Variants in PDE3B observed in about 807,000 individuals in gnomAD.
PDE3B encodes cGMP-inhibited 3',5'-cyclic phosphodiesterase 3B.
A neutral mutation model predicts 116.8 loss-of-function variants in PDE3B; 66 were observed. That is an observed-to-expected ratio of 0.56 (90% CI 0.46 to 0.69). The LOEUF (loss-of-function observed/expected upper bound fraction) is 0.69. Among genes scored for constraint, PDE3B ranks in the 30% least tolerant of loss-of-function variants. The pLI is 0.00. For synonymous variants in PDE3B, 595 were observed against 533.6 expected, an observed-to-expected ratio of 1.12 and a Z score of -1.59; for missense variants, 1,384 against 1,368.1, an observed-to-expected ratio of 1.01 and a Z score of -0.18.
intron 1 of PDE3B, among the ~76,000 whole-genome samples, chr11:14,752,552 T>G (rs1857082032): frequency 6.6e-6 from 1 of 152,154 alleles, no homozygotes; most frequent in Non-Finnish European, 1.5e-5. Flanking sequence ...CTTCTAAAGT[T>G]CCTCCCTCCT....
At chr11:14,721,523 C>T (rs1407469681) in intron 1 of PDE3B, among the ~76,000 whole-genome samples, 1 of 151,496 alleles carries the variant, frequency 6.6e-6, no homozygotes, top group Non-Finnish European at 1.5e-5. Flanking sequence ...TGGAACCGAC[C>T]CAAATGTCCA....
At chr11:14,760,517 C>T (rs1857330501) in intron 1 of PDE3B, among the ~76,000 whole-genome samples, 2 of 152,092 alleles carry the variant, frequency 1.3e-5, no homozygotes, top group Non-Finnish European at 2.9e-5. Context: ...ATATGTGCTG[C>T]CAGCCTAATG....
rs754632710 is a variant in PDE3B, at chr11:14,861,379, C to T, written c.2886+13C>T. ...ATTTTATGAGCAGGTAAGTTGAAAC[C>T]TGAGCTTGGTGGGATTTTTAAGAGC... On this transcript the variant is annotated intron_variant, in intron 14 of 15. Transcript: ENST00000282096. 3 of 1,610,400 alleles carry T rather than the reference C, an allele frequency of 1.9e-6. No homozygotes were observed. Among genetic ancestry groups the T allele is most frequent in the Admixed American group, 1.7e-5 (1 of 59,902 alleles).
At chr11:14,807,958 G>T (rs891269205) in intron 5 of PDE3B, among the ~76,000 whole-genome samples, 8 of 151,862 alleles carry the variant, frequency 5.3e-5, no homozygotes. Flanking sequence ...TACTCGGGAG[G>T]TTGAGGCACG....
At chr11:14,693,966 T>C (rs1489341535) in intron 1 of PDE3B, among the ~76,000 whole-genome samples, 8 of 152,238 alleles carry the variant, frequency 5.3e-5, no homozygotes, top group African/African-American at 1.9e-4. Context: ...GATCAGAATA[T>C]TGACATTAAC....
chr11:14,795,492 C>G (rs367902808), intron 4 of PDE3B, among the ~76,000 whole-genome samples: 1 of 152,096 alleles, frequency 6.6e-6, no homozygotes, highest in African/African-American at 2.4e-5. Context: ...TGGTGCTGGG[C>G]CAGGACATGA....
Position 14,786,540 on chromosome 11 carries a change from C to T in PDE3B, c.1133C>T (p.Ser378Phe), listed in dbSNP as rs773550760. The change falls in exon 3 of 16, where the codon TCC (serine) becomes TTC (phenylalanine). Residue 378 changes from serine to phenylalanine, a missense_variant. Ser to Phe is a radical substitution (Grantham distance 155, BLOSUM62 -2). This residue lies in a region of PDE3B where 956 missense variants were observed against 806.8 expected (regional missense o/e 1.18). Coordinates refer to ENST00000282096, the MANE Select transcript of PDE3B (RefSeq NM_000922.4). ...TDPSLPPQVISSLRSISSLMG... is the reference protein window; with the variant it reads ...TDPSLPPQVIFSLRSISSLMG... ...CCAAGCCTTCCACCACAAGTCATTT[C>T]CTCTCTACGGAGTATTAGTAGCTTA... 5 of 1,613,282 alleles carry T rather than the reference C, an allele frequency of 3.1e-6. No individual in the cohort carries two copies. The highest frequency in any genetic ancestry group is 8.5e-7 in the Non-Finnish European group (1 of 1,179,420).
intron 7 of PDE3B, among the ~76,000 whole-genome samples, chr11:14,821,692 C>T (rs1859517660): frequency 6.6e-6 from 1 of 151,936 alleles, no homozygotes; most frequent in Non-Finnish European, 1.5e-5. Context: ...GTAATACTTC[C>T]AGATCATCAT....
rs1310033073 is a variant in PDE3B at position 14,869,802 on chromosome 11, C to T, written c.*142C>T. On this transcript the variant is annotated 3_prime_UTR_variant, in exon 16 of 16. Coordinates refer to ENST00000282096, the MANE Select transcript of PDE3B (RefSeq NM_000922.4). ...CAGGCCTTAATACTGTGAGAGGATC[C>T]TTGCTCTGCTGGCAGTTTCCCACTC... 4 of 637,242 alleles carry T rather than the reference C, an allele frequency of 6.3e-6. No homozygotes were observed. Among genetic ancestry groups the T allele is most frequent in the African/African-American group, 1.8e-5 (1 of 54,472 alleles). The allele number at this position is 637,242 out of a possible 1,614,324, so 39.5% of individuals were successfully genotyped here.
At chr11:14,877,360 C>T in the PDE3B span, 4 of 152,228 alleles carry the variant, frequency 2.6e-5, no homozygotes, top group Non-Finnish European at 4.4e-5. Flanking sequence ...TAAGTGAATT[C>T]GATCTTTAAT....
intron 4 of PDE3B, among the ~76,000 whole-genome samples, chr11:14,789,471 C>T (rs1418276705): frequency 6.6e-6 from 1 of 151,816 alleles, no homozygotes; most frequent in Non-Finnish European, 1.5e-5. Flanking sequence ...GTGCTGGATC[C>T]CTGAGAACAT....
At chr11:14,656,453 A>T (rs1004459418) in intron 1 of PDE3B, among the ~76,000 whole-genome samples, 4 of 152,184 alleles carry the variant, frequency 2.6e-5, no homozygotes, top group African/African-American at 4.8e-5. Flanking sequence ...TTAGTGAAGA[A>T]AAGAACTGTG....
At chr11:14,674,318 T>G in intron 1 of PDE3B, 2 of 974,324 alleles carry the variant, frequency 2.1e-6, no homozygotes, top group South Asian at 2.6e-5. Context: ...TGCTCCTGAT[T>G]GGCTTTTTGA....
intron 1 of PDE3B, among the ~76,000 whole-genome samples, chr11:14,716,063 G>A (rs11820859): frequency 0.12 from 17,933 of 151,918 alleles, 1,277 homozygotes; most frequent in African/African-American, 0.22. Flanking sequence ...GTGGGTGTGC[G>A]CACCGTGCGC....
chr11:14,786,837 T>G (rs1858217949), intron 3 of PDE3B, 152 bp downstream of exon 3: 2 of 617,078 alleles, frequency 3.2e-6, no homozygotes, highest in Non-Finnish European at 5.7e-6. Context: ...AATTATAAGC[T>G]CAAATAATTA....
At chr11:14,891,336 C>T in the PDE3B span, 2 of 985,298 alleles carry the variant, frequency 2.0e-6, no homozygotes, top group African/African-American at 1.7e-5. Flanking sequence ...GCTAAGGTGC[C>T]GTTCCCAGCC....
At chr11:14,689,686 G>A (rs1158570355) in intron 1 of PDE3B, among the ~76,000 whole-genome samples, 3 of 152,188 alleles carry the variant, frequency 2.0e-5, no homozygotes, top group South Asian at 4.1e-4. Context: ...TTGGTGATTG[G>A]CATGATGAAG....
chr11:14,652,005 T>A (rs567873426), intron 1 of PDE3B, among the ~76,000 whole-genome samples: 138 of 152,288 alleles, frequency 9.1e-4, no homozygotes, highest in African/African-American at 3.2e-3. Context: ...TGCCTATGAT[T>A]TTGGTGTCAT....
intron 5 of PDE3B, among the ~76,000 whole-genome samples, chr11:14,814,444 C>T (rs947655948): frequency 3.9e-5 from 6 of 152,110 alleles, no homozygotes; most frequent in African/African-American, 1.4e-4. Flanking sequence ...TTATATTACT[C>T]TATACTATCA....
Sources: gnomAD v4.1 joint callset for allele counts (sites outside exome capture counted in the v4.1 genomes callset) on GRCh38, gnomAD v4.1.1 for gene constraint, gnomAD v4.1.1 regional missense constraint, MANE v1.5 for transcripts, NCBI Gene and HGNC (gene_info 2026-07-23, HGNC 2026-07-21) for gene names.